FBXO21: variants seen among roughly 807,000 people sequenced by gnomAD.
FBXO21 encodes the protein F-box only protein 21.
In FBXO21, 32 loss-of-function variants were observed where a neutral mutation model predicts 76.6. That is an observed-to-expected ratio of 0.42 (90% confidence interval 0.32 to 0.56). The LOEUF is 0.56. Ranked by LOEUF, FBXO21 falls within the 20% of genes least tolerant of loss-of-function variation. The pLI is 0.16. For synonymous variants in FBXO21, 328 were observed against 311.5 expected (o/e 1.05, Z -0.56); for missense variants, 586 against 797.3 (o/e 0.73, Z 3.19).
intron 7 of FBXO21, 39 bp downstream of exon 7, chr12:117,172,432 A>T (rs1462394842): frequency 1.3e-6 from 2 of 1,596,580 alleles, no homozygotes; most frequent in Non-Finnish European, 1.7e-6. Flanking sequence ...AGAGGGACCA[A>T]ATCTTCAGGA....
Position 117,190,336 on chromosome 12 carries a change from T to C in FBXO21, c.121A>G (p.Ile41Val), listed in dbSNP as rs1368921195. The C allele has an allele frequency of 1.9e-6, 3 of 1,543,462 alleles. No homozygotes were observed. The highest frequency in any genetic ancestry group is 8.7e-7 in the Non-Finnish European group (1 of 1,154,802). The change falls in exon 1 of 12, where the codon ATC becomes GTC. Residue 41 changes from isoleucine (I) to valine (V), a missense_variant. By Grantham distance (29) the Ile-to-Val change is conservative. Coordinates refer to ENST00000622495, the MANE Select transcript of FBXO21 (RefSeq NM_015002.3). ...VNLPGEVLEY[I>V]LCCGSLTAAD... The stretch of plus-strand genomic sequence containing the variant: ...GCCGTCAGCGAGCCGCAGCACAGGA[T>C]GTACTCCAGCACCTCACCCGGCAGG...
chr12:117,182,576 T>C (rs1185723771), intron 3 of FBXO21, among the ~76,000 whole-genome samples: 1 of 142,422 alleles, frequency 7.0e-6, no homozygotes, highest in Non-Finnish European at 1.6e-5. Context: ...TTTTTTTTTT[T>C]TTTTTTTTTT....
intron 10 of FBXO21, 31 bp from the exon 11 acceptor site, chr12:117,155,979 T>C: frequency 6.2e-7 from 1 of 1,604,336 alleles, no homozygotes. Flanking sequence ...AGTCAGTCCC[T>C]GCAGACCCGG....
chr12:117,179,083 T>C (rs934657388), intron 3 of FBXO21, among the ~76,000 whole-genome samples: 1 of 152,194 alleles, frequency 6.6e-6, no homozygotes, highest in East Asian at 1.9e-4. Context: ...GCTGACATCA[T>C]GAAGAAACAA....
intron 7 of FBXO21, among the ~76,000 whole-genome samples, chr12:117,167,654 TGGTG>T (rs1250783891): frequency 1.3e-5 from 2 of 150,922 alleles, no homozygotes; most frequent in Non-Finnish European, 2.9e-5. Flanking sequence ...GGCAGAAGAA[TGGTG>T]TGAACCCGGG....
intron 10 of FBXO21, 109 bp from the exon 11 acceptor site, chr12:117,156,057 G>C: frequency 1.0e-6 from 1 of 998,272 alleles, no homozygotes; most frequent in Non-Finnish European, 1.6e-6. Flanking sequence ...TTTACTCCAC[G>C]GTGAATCATT....
chr12:117,153,020 C>T (rs1015591311), intron 11 of FBXO21, among the ~76,000 whole-genome samples: 39 of 151,970 alleles, frequency 2.6e-4, no homozygotes, highest in African/African-American at 8.7e-4. Flanking sequence ...AGGCCAGATC[C>T]CTAGGGCCTG....
chr12:117,148,240 C>G (rs1955801380), intron 11 of FBXO21, among the ~76,000 whole-genome samples: 1 of 152,140 alleles, frequency 6.6e-6, no homozygotes, highest in Non-Finnish European at 1.5e-5. Flanking sequence ...CAGACTGTGA[C>G]CAGGGACAGA....
rs201541949 is a variant in FBXO21, at chr12:117,146,078, C to T, written c.*9G>A. Reference sequence around the variant, plus strand: ...AGCAGCAGCAAAGGTGCAATGTCCTCTCTAGACTTTACTCATCTATGTTCT... The same window carrying T: ...AGCAGCAGCAAAGGTGCAATGTCCTTTCTAGACTTTACTCATCTATGTTCT... On this transcript the variant is annotated 3_prime_UTR_variant, in exon 12 of 12. Transcript: ENST00000622495. The T allele has an allele frequency of 1.8e-3, 2,909 of 1,580,192 alleles. 1 individual carries two copies. The highest frequency in any genetic ancestry group is 2.3e-3 in the Non-Finnish European group (2,667 of 1,165,648).
Position 117,161,681 on chromosome 12 carries a change from A to G in FBXO21, c.1327-3618T>C, listed in dbSNP as rs551029182. On this transcript the variant is annotated intron_variant, in intron 9 of 11. Coordinates refer to ENST00000622495, the MANE Select transcript of FBXO21 (RefSeq NM_015002.3). ...GCAGGTGTGTGGATATGCTGGTCTG[A>G]GCCCAGGGTCCAGGCAGGGGTCCAG... Among the ~76,000 whole-genome samples the G allele has an allele frequency of 3.3e-5, 5 of 152,220 alleles. No individual in the cohort carries two copies. In the East Asian group the frequency reaches 7.7e-4, roughly 24 times the overall value.
rs1460914293 is a variant in FBXO21, at chr12:117,145,416, G to A, written c.*671C>T. 4.0e-5 allele frequency: 6 copies of A among 151,308 alleles called. No individual in the cohort carries two copies. The highest frequency in any genetic ancestry group is 2.1e-4 in the South Asian group (1 of 4,782). The allele number at this position is 151,308 out of a possible 1,614,324, so 9.4% of individuals were successfully genotyped here. A position where few individuals can be genotyped will look rare whatever the true frequency, so the allele number is the denominator to read the frequency against. On this transcript the variant is annotated 3_prime_UTR_variant, in exon 12 of 12. Transcript: ENST00000622495. ...TAGAGATGTGCATAAACTCAAGAGA[G>A]GAATATGGAAGGGAAAACTGTGTTA... is the stretch of plus-strand genomic sequence containing the variant.
intron 4 of FBXO21, 71 bp downstream of exon 4, chr12:117,177,449 C>G (rs1234919360): frequency 1.3e-5 from 19 of 1,477,462 alleles, no homozygotes. Context: ...ACAATTCCCT[C>G]TGCTGGTCTT....
intron 9 of FBXO21, among the ~76,000 whole-genome samples, chr12:117,160,015 G>A (rs1388226366): frequency 6.6e-6 from 1 of 152,114 alleles, no homozygotes; most frequent in Non-Finnish European, 1.5e-5. Context: ...CTAGAATGCC[G>A]CAAGATCACC....
At chr12:117,156,171 C>A (rs1412603300) in intron 10 of FBXO21, among the ~76,000 whole-genome samples, 1 of 152,194 alleles carries the variant, frequency 6.6e-6, no homozygotes, top group African/African-American at 2.4e-5. Flanking sequence ...TAGATGACAA[C>A]TGGTTACCCA....
At chr12:117,169,947 AAAG>A (rs1322251802) in intron 7 of FBXO21, among the ~76,000 whole-genome samples, 1 of 152,204 alleles carries the variant, frequency 6.6e-6, no homozygotes, top group Admixed American at 6.5e-5. Flanking sequence ...TAGTTACAAA[AAAG>A]AAGAAACCAA....
At position 117,155,789 on chromosome 12, in the gene FBXO21, A is replaced by G. The variant is rs1319756224; in HGVS notation, c.1675+2T>C. 1 of 1,612,724 alleles carries G rather than the reference A, an allele frequency of 6.2e-7. No individual in the cohort carries two copies. The highest frequency in any genetic ancestry group is 1.7e-5 in the Admixed American group (1 of 59,820). ...CTGGCACAAGCGGAACCCGCCGCTTACCTTGGGCTGCGTATCGACAGGAGC... is the reference window on the plus strand; with the variant it reads ...CTGGCACAAGCGGAACCCGCCGCTTGCCTTGGGCTGCGTATCGACAGGAGC... On this transcript the variant is annotated splice_donor_variant, in intron 11 of 11. Transcript: ENST00000622495. LOFTEE classifies it high-confidence loss of function.
In FBXO21 at chr12:117,155,855, G is replaced by A. The variant is rs757101669; in HGVS notation, c.1611C>T (p.His537=). ...CGTTATAGAAAGGCTGGTGGTGGCC[G>A]TGCGGCAGGCTGTGGACGTTCATGT... ...IRNMNVHSLP[H]GHHQPFYNVL... is the part of the protein sequence containing the mutation. The change falls in exon 11 of 12, where the codon CAC becomes CAT. Residue 537 remains histidine (H), a synonymous_variant. Transcript: ENST00000622495. The A allele has an allele frequency of 1.4e-5, 23 of 1,614,090 alleles. 1 individual carries two copies. The Middle Eastern group carries it at 4.9e-4, about 35-fold the overall frequency.
intron 11 of FBXO21, among the ~76,000 whole-genome samples, chr12:117,148,003 A>C (rs933698934): frequency 1.3e-5 from 2 of 152,234 alleles, no homozygotes; most frequent in Non-Finnish European, 2.9e-5. Context: ...ATTATTTCTT[A>C]AACAGCTGGG....
intron 8 of FBXO21, among the ~76,000 whole-genome samples, chr12:117,166,015 C>T (rs1024641160): frequency 6.6e-6 from 1 of 152,044 alleles, no homozygotes; most frequent in Non-Finnish European, 1.5e-5. Flanking sequence ...CATTGAGAAA[C>T]CCCGTCTCTA....
Sources: gnomAD v4.1 joint callset for allele counts (sites outside exome capture counted in the v4.1 genomes callset) on GRCh38, gnomAD v4.1.1 for gene constraint, MANE v1.5 for transcripts, NCBI Gene and HGNC (gene_info 2026-07-23, HGNC 2026-07-21) for gene names.